Variants in GRIN3A observed in about 807,000 individuals in gnomAD.
GRIN3A encodes glutamate receptor ionotropic, NMDA 3A.
GRIN3A carries 47 observed loss-of-function variants against 92.4 expected under a neutral mutation model. The observed-to-expected ratio is 0.51, with a 90% CI of 0.40 to 0.65. The LOEUF (loss-of-function observed/expected upper bound fraction) is 0.65, where lower values mean the gene tolerates loss of function less well. Among genes scored for constraint, GRIN3A ranks in the 30% least tolerant of loss-of-function variants. GRIN3A has a pLI of 0.00. For synonymous variants in GRIN3A, 527 were observed against 540.6 expected (o/e 0.97, Z 0.35); for missense variants, 1,324 against 1,393.1 (o/e 0.95, Z 0.79).
At chr9:101,585,862 T>A (rs1349085733) in intron 6 of GRIN3A, among the ~76,000 whole-genome samples, 1 of 152,190 alleles carries the variant, frequency 6.6e-6, no homozygotes, top group Non-Finnish European at 1.5e-5. Context: ...GTTTTCTGTC[T>A]CTTGCGGAGT....
At chr9:101,634,855 A>C (rs1828764056) in intron 3 of GRIN3A, among the ~76,000 whole-genome samples, 1 of 152,232 alleles carries the variant, frequency 6.6e-6, no homozygotes, top group Non-Finnish European at 1.5e-5. Flanking sequence ...TGATGATCAC[A>C]CAAGGACAAA....
At chr9:101,595,883 G>T (rs1449109017) in intron 6 of GRIN3A, among the ~76,000 whole-genome samples, 1 of 152,214 alleles carries the variant, frequency 6.6e-6, no homozygotes, top group Non-Finnish European at 1.5e-5. Flanking sequence ...TTTTGTGTGT[G>T]TTGAGAGTGA....
At chr9:101,606,265 A>T (rs150637314) in intron 6 of GRIN3A, among the ~76,000 whole-genome samples, 1 of 152,086 alleles carries the variant, frequency 6.6e-6, no homozygotes, top group African/African-American at 2.4e-5. Flanking sequence ...TCGACTCTCC[A>T]TCTTTCTTCC....
chr9:101,594,824 T>C, intron 6 of GRIN3A: 1 of 1,611,032 alleles, frequency 6.2e-7, no homozygotes, highest in Non-Finnish European at 8.5e-7. Context: ...CCCTGATTTG[T>C]CCAAGTCCAA....
At position 101,737,265 on chromosome 9, in the gene GRIN3A, A is replaced by G. The variant is rs2119053209; in HGVS notation, c.699+16T>C. On this transcript the variant is annotated intron_variant, in intron 1 of 8. Transcript: ENST00000361820. ...AGCAGCGCCCATCTCCACTCCACGC[A>G]CCAGGCTCCTCTCACCTGACTCTCC... 6.2e-7 allele frequency: 1 copy of G among 1,610,628 alleles called. No homozygotes were observed. The highest frequency in any genetic ancestry group is 8.5e-7 in the Non-Finnish European group (1 of 1,176,916).
intron 8 of GRIN3A, among the ~76,000 whole-genome samples, chr9:101,575,113 A>C (rs1474854549): frequency 6.6e-6 from 1 of 152,240 alleles, no homozygotes; most frequent in Non-Finnish European, 1.5e-5. Flanking sequence ...AGACCAACTT[A>C]TACATGACCC....
At chr9:101,654,544 A>G (rs924779432) in intron 3 of GRIN3A, among the ~76,000 whole-genome samples, 3 of 151,410 alleles carry the variant, frequency 2.0e-5, no homozygotes, top group African/African-American at 4.8e-5. Flanking sequence ...TTTTCCTCTC[A>G]TATATCCACA....
At chr9:101,691,411 A>G (rs1231841861) in intron 1 of GRIN3A, among the ~76,000 whole-genome samples, 1 of 152,194 alleles carries the variant, frequency 6.6e-6, no homozygotes, top group Non-Finnish European at 1.5e-5. Flanking sequence ...GGAAATATTA[A>G]TTTAGTAATT....
chr9:101,580,052 T>C (rs1189570762), intron 6 of GRIN3A, among the ~76,000 whole-genome samples: 1 of 152,158 alleles, frequency 6.6e-6, no homozygotes, highest in Non-Finnish European at 1.5e-5. Context: ...TTTTTGAACA[T>C]GGGCCCAGGA....
At chr9:101,590,155 C>T (rs1272818735) in intron 6 of GRIN3A, among the ~76,000 whole-genome samples, 1 of 152,160 alleles carries the variant, frequency 6.6e-6, no homozygotes, top group Non-Finnish European at 1.5e-5. Context: ...CTGATCTACA[C>T]AGCTTTACTG....
chr9:101,623,172 C>G, intron 5 of GRIN3A, 146 bp downstream of exon 5: 1 of 666,080 alleles, frequency 1.5e-6, no homozygotes, highest in Middle Eastern at 2.5e-4. Context: ...ACTTCAGCAA[C>G]TTAATAGCTA....
chr9:101,683,562 C>A (rs115097914), intron 2 of GRIN3A, among the ~76,000 whole-genome samples: 2,049 of 152,296 alleles, frequency 0.013, 37 homozygotes, highest in African/African-American at 0.046. Flanking sequence ...GGGTTTTGCT[C>A]ATTTCCCTTG....
intron 3 of GRIN3A, among the ~76,000 whole-genome samples, chr9:101,669,290 G>T (rs908113028): frequency 6.6e-6 from 1 of 152,098 alleles, no homozygotes; most frequent in Admixed American, 6.6e-5. Context: ...TCAATCCAGA[G>T]AGAACATGGA....
At chr9:101,662,801 A>T (rs542110961) in intron 3 of GRIN3A, among the ~76,000 whole-genome samples, 70 of 151,768 alleles carry the variant, frequency 4.6e-4, no homozygotes, top group African/African-American at 1.5e-3. Flanking sequence ...ACATTAACAA[A>T]TTTTTTCTTT....
chr9:101,680,094 C>T (rs1042779079), intron 2 of GRIN3A, among the ~76,000 whole-genome samples: 4 of 152,176 alleles, frequency 2.6e-5, no homozygotes, highest in Admixed American at 2.6e-4. Context: ...TGACCTTAGA[C>T]ATACTACTTA....
intron 3 of GRIN3A, among the ~76,000 whole-genome samples, chr9:101,638,701 A>C (rs1413948641): frequency 6.6e-6 from 1 of 152,258 alleles, no homozygotes; most frequent in Non-Finnish European, 1.5e-5. Flanking sequence ...TAGAATAGCT[A>C]ACCAACTTCT....
At chr9:101,577,421 T>C (rs1282621349) in intron 8 of GRIN3A, among the ~76,000 whole-genome samples, 2 of 152,234 alleles carry the variant, frequency 1.3e-5, no homozygotes, top group East Asian at 3.9e-4. Flanking sequence ...ACAACAACTC[T>C]AGGAAATAGG....
At chr9:101,594,909 C>G in intron 6 of GRIN3A, 1 of 1,599,080 alleles carries the variant, frequency 6.3e-7, no homozygotes, top group Non-Finnish European at 8.5e-7. Flanking sequence ...GGGTAACTGG[C>G]CTCGTTTCCC....
intron 2 of GRIN3A, among the ~76,000 whole-genome samples, chr9:101,682,875 G>C (rs1016586471): frequency 1.3e-5 from 2 of 152,162 alleles, no homozygotes; most frequent in South Asian, 4.1e-4. Context: ...CCAGCTACTC[G>C]GGAGGCTGAG....
Sources: gnomAD v4.1 joint callset for allele counts (sites outside exome capture counted in the v4.1 genomes callset) on GRCh38, gnomAD v4.1.1 for gene constraint, MANE v1.5 for transcripts, NCBI Gene and HGNC (gene_info 2026-07-23, HGNC 2026-07-21) for gene names.